TBC1D31: variants seen among roughly 807,000 people sequenced by gnomAD.
The protein encoded by TBC1D31 is TBC1 domain family member 31.
In TBC1D31, 99 loss-of-function variants were observed where a neutral mutation model predicts 132.9. That is an observed-to-expected ratio of 0.74 (90% confidence interval 0.63 to 0.88). The LOEUF (loss-of-function observed/expected upper bound fraction) is 0.88. Ranked by LOEUF, TBC1D31 falls within the 40% of genes least tolerant of loss-of-function variation. The pLI, the probability that TBC1D31 is intolerant of heterozygous loss-of-function variation, is 0.00. For missense variants in TBC1D31, 1,134 were observed against 1,256.6 expected (o/e 0.90, Z 1.48); for synonymous variants, 385 against 419.4 (o/e 0.92, Z 1.00).
chr8:123,144,763 A>G lies in TBC1D31; in HGVS notation c.2882A>G (p.Lys961Arg). Residue 961 changes from lysine to arginine, a missense_variant, in exon 20 of 22, where the codon AAA (lysine) becomes AGA (arginine). By Grantham distance (26) the Lys-to-Arg change is conservative (BLOSUM62 2). Coordinates refer to ENST00000287380, the MANE Select transcript of TBC1D31 (RefSeq NM_145647.4). The part of the protein sequence containing the change: ...GKEFRLRSAK[K>R]ASALSDASRK... ...GAGTTCCGTTTGAGATCAGCAAAGAAAGCTTCTGCTCTTTCAGATGCGTCT... is the reference window on the plus strand; with the variant it reads ...GAGTTCCGTTTGAGATCAGCAAAGAGAGCTTCTGCTCTTTCAGATGCGTCT... The G allele has an allele frequency of 6.2e-7, 1 of 1,612,724 alleles. No individual in the cohort carries two copies. Among genetic ancestry groups the G allele is most frequent in the Non-Finnish European group, 8.5e-7 (1 of 1,179,682 alleles).
intron 8 of TBC1D31, among the ~76,000 whole-genome samples, chr8:123,107,494 A>G (rs916086492): frequency 3.3e-5 from 5 of 152,220 alleles, no homozygotes; most frequent in African/African-American, 1.2e-4. Flanking sequence ...GAAAAAACTG[A>G]ATAGCAGACA....
chr8:123,114,684 C>T (rs1044590532), intron 10 of TBC1D31, among the ~76,000 whole-genome samples: 4 of 152,234 alleles, frequency 2.6e-5, no homozygotes, highest in African/African-American at 9.6e-5. Context: ...AAAGAATATT[C>T]CTTCTTTGTA....
the TBC1D31 span, among the ~76,000 whole-genome samples, chr8:123,157,907 A>ACTGACTGCAAGACTTT: frequency 6.6e-6 from 1 of 151,802 alleles, no homozygotes; most frequent in Admixed American, 6.6e-5. Context: ...TGACTGCAGG[A>ACTGACTGCAAGACTTT]CTGACTGCAA....
intron 1 of TBC1D31, chr8:123,073,101 T>G: frequency 7.1e-6 from 4 of 561,180 alleles, no homozygotes; most frequent in East Asian, 3.1e-5. Flanking sequence ...CCTGGGAACT[T>G]GCGGCTTTTG....
intron 2 of TBC1D31, among the ~76,000 whole-genome samples, chr8:123,080,529 C>CTTTTTTTTT (rs57694076): frequency 3.9e-5 from 3 of 76,320 alleles, no homozygotes; most frequent in African/African-American, 1.6e-4. Flanking sequence ...TTCTTTTATT[C>CTTTTTTTTT]TTTTTTTTTT....
chr8:123,104,145 C>T (rs992322740), intron 7 of TBC1D31: 5 of 152,050 alleles, frequency 3.3e-5, no homozygotes, highest in South Asian at 2.1e-4. Context: ...AAGGCTCAAA[C>T]GGGAAATTGT....
At chr8:123,132,005 T>C (rs775657867) in intron 16 of TBC1D31, among the ~76,000 whole-genome samples, 5 of 152,232 alleles carry the variant, frequency 3.3e-5, no homozygotes, top group Non-Finnish European at 7.3e-5. Flanking sequence ...GTTAGCTTAC[T>C]TATTTCCAAA....
At chr8:123,159,007 C>T in the TBC1D31 span, among the ~76,000 whole-genome samples, 1 of 152,148 alleles carries the variant, frequency 6.6e-6, no homozygotes, top group Non-Finnish European at 1.5e-5. Context: ...GAATCCGACC[C>T]AGGGGGCTTA....
At chr8:123,094,768 T>G (rs1449935611) in intron 5 of TBC1D31, among the ~76,000 whole-genome samples, 1 of 152,016 alleles carries the variant, frequency 6.6e-6, no homozygotes, top group Non-Finnish European at 1.5e-5. Flanking sequence ...CTCGAACTCC[T>G]GACCTCTGGT....
At chr8:123,099,533 T>C (rs1817178322) in intron 6 of TBC1D31, among the ~76,000 whole-genome samples, 1 of 152,120 alleles carries the variant, frequency 6.6e-6, no homozygotes, top group Non-Finnish European at 1.5e-5. Context: ...TCACAAACTC[T>C]CCATTCTCCA....
At chr8:123,151,034 C>T (rs1327607717) in intron 21 of TBC1D31, among the ~76,000 whole-genome samples, 2 of 152,154 alleles carry the variant, frequency 1.3e-5, no homozygotes, top group Non-Finnish European at 2.9e-5. Context: ...TTTTTATATG[C>T]ATCTATAAAT....
At chr8:123,134,253 G>C (rs750971500) in intron 17 of TBC1D31, 47 bp downstream of exon 17, 3 of 1,442,898 alleles carry the variant, frequency 2.1e-6, no homozygotes, top group South Asian at 1.1e-5. Context: ...TTTTGGCCAG[G>C]CTCAGTGGCT....
At position 123,151,885 on chromosome 8, in the gene TBC1D31, A is replaced by T; in HGVS notation, c.3147A>T (p.Arg1049Ser). 6.3e-7 allele frequency: 1 copy of T among 1,592,174 alleles called. No individual in the cohort carries two copies. The highest frequency in any genetic ancestry group is 8.5e-7 in the Non-Finnish European group (1 of 1,172,240). ...AGAAAGTGAGAAATCTTCGCCAGAG[A>T]CTCACTGCCCGGGCTCGTCACAGAT... Reference protein sequence around the residue: ...LIKKVRNLRQRLTARARHRCQ... With the variant: ...LIKKVRNLRQSLTARARHRCQ... The change falls in exon 22 of 22, where the codon AGA becomes AGT. Residue 1049 changes from arginine to serine, a missense_variant. Physicochemically the swap from Arg to Ser is moderately radical, Grantham distance 110 (BLOSUM62 -1). Transcript: ENST00000287380.
chr8:123,072,746 C>T lies in TBC1D31; in HGVS notation c.-24C>T. Reference sequence around the variant, plus strand: ...CTGGGACGGTTACCCAGCGGGCCGCCGGCGGTCGTGGGCAAGCTTCGCCAT... The same window carrying T: ...CTGGGACGGTTACCCAGCGGGCCGCTGGCGGTCGTGGGCAAGCTTCGCCAT... On this transcript the variant is annotated 5_prime_UTR_variant, in exon 1 of 22. Coordinates refer to ENST00000287380, the MANE Select transcript of TBC1D31 (RefSeq NM_145647.4). 6.4e-7 allele frequency: 1 copy of T among 1,551,920 alleles called. No homozygotes were observed. The highest frequency in any genetic ancestry group is 8.7e-7 in the Non-Finnish European group (1 of 1,147,634).
intron 19 of TBC1D31, among the ~76,000 whole-genome samples, chr8:123,144,361 C>T (rs940441786): frequency 1.3e-5 from 2 of 152,164 alleles, no homozygotes; most frequent in African/African-American, 4.8e-5. Flanking sequence ...TAAGATAGAG[C>T]ATTCAAATTA....
At chr8:123,083,733 T>C (rs1460201017) in intron 3 of TBC1D31, 2 of 154,086 alleles carry the variant, frequency 1.3e-5, no homozygotes, top group Admixed American at 6.5e-5. Flanking sequence ...GCCTCTTTCT[T>C]AGTTGAGGCC....
chr8:123,158,522 G>A, the TBC1D31 span, among the ~76,000 whole-genome samples: 8 of 152,308 alleles, frequency 5.3e-5, no homozygotes, highest in African/African-American at 1.7e-4. Context: ...AGGGAGTGGG[G>A]AGAGGTTCGT....
chr8:123,097,621 A>G, intron 6 of TBC1D31, 180 bp downstream of exon 6: 4 of 568,784 alleles, frequency 7.0e-6, no homozygotes, highest in Non-Finnish European at 1.1e-5. Context: ...TGTATTCTTT[A>G]TACCATTGAC....
At chr8:123,075,943 A>G (rs530194856) in intron 1 of TBC1D31, among the ~76,000 whole-genome samples, 15 of 152,216 alleles carry the variant, frequency 9.9e-5, no homozygotes, top group Non-Finnish European at 1.9e-4. Context: ...AAACACATGT[A>G]TTCTTGTCTT....
Sources: allele counts gnomAD v4.1 joint callset (sites outside exome capture counted in the v4.1 genomes callset), GRCh38; gene constraint gnomAD v4.1.1; transcripts MANE v1.5; gene names NCBI Gene and HGNC (gene_info 2026-07-23, HGNC 2026-07-21).